Variants in NARF observed in about 807,000 individuals in gnomAD.
NARF encodes nuclear prelamin A recognition factor.
In NARF, 41 loss-of-function variants were observed where a neutral mutation model predicts 48.0. That is an observed-to-expected ratio of 0.85 (90% confidence interval 0.66 to 1.11). The LOEUF (loss-of-function observed/expected upper bound fraction) is 1.11, where lower values mean the gene tolerates loss of function less well. NARF is among the 50% of genes least tolerant of loss of function. The pLI is 0.00. For synonymous variants in NARF, 215 were observed against 225.5 expected (o/e 0.95, Z 0.42); for missense variants, 613 against 590.2 (o/e 1.04, Z -0.40).
At chr17:82,466,993 T>G (rs1436010467) in intron 3 of NARF, among the ~76,000 whole-genome samples, 3 of 140,492 alleles carry the variant, frequency 2.1e-5, no homozygotes, top group South Asian at 2.3e-4. Context: ...GTACCTGGCC[T>G]TCTTTTTTTT....
At position 82,481,081 on chromosome 17, in the gene NARF, G is replaced by C. The variant is rs1466687390; in HGVS notation, c.640-1G>C. On this transcript the variant is annotated splice_acceptor_variant, in intron 6 of 10. Transcript: ENST00000309794. LOFTEE classifies it high-confidence loss of function. ...TAAATATGGGTGCCCCTCTCCCACA[G>C]AACCTGTCTCCAGAGAAGATTTTCC... 6.2e-7 allele frequency: 1 copy of C among 1,613,962 alleles called. No homozygotes were observed.
intron 8 of NARF, chr17:82,484,556 C>T (rs766702978): frequency 2.8e-6 from 1 of 361,056 alleles, no homozygotes; most frequent in African/African-American, 2.1e-5. Flanking sequence ...CCATAAGCAT[C>T]TGGAGCACCT....
At chr17:82,459,658 T>A (rs1599810204) in intron 1 of NARF, among the ~76,000 whole-genome samples, 1 of 151,968 alleles carries the variant, frequency 6.6e-6, no homozygotes, top group African/African-American at 2.4e-5. Context: ...TCACCTGAGG[T>A]CAGCAGTTCA....
rs377338939 is a variant in NARF, at chr17:82,468,779, A to G, written c.268A>G (p.Lys90Glu). Residue 90 changes from lysine (K) to glutamate (E), a missense_variant, in exon 4 of 11, where the codon AAG (lysine) becomes GAG (glutamate). Coordinates refer to ENST00000309794, the MANE Select transcript of NARF (RefSeq NM_012336.4). ...CTCCTTCTAGAAATGTGATACCTCA[A>G]AGCACAAAGTGCTGGTAGTGTCTGT... Reference protein sequence around the residue: ...LNLNKKCDTSKHKVLVVSVCP... With the variant: ...LNLNKKCDTSEHKVLVVSVCP... The G allele has an allele frequency of 1.9e-5, 31 of 1,613,654 alleles. No individual in the cohort carries two copies. Among genetic ancestry groups the G allele is most frequent in the Non-Finnish European group, 2.6e-5 (31 of 1,179,904 alleles).
At chr17:82,485,420 C>G in intron 9 of NARF, 77 bp from the exon 10 acceptor site, 1 of 1,298,518 alleles carries the variant, frequency 7.7e-7, no homozygotes, top group Non-Finnish European at 1.1e-6. Flanking sequence ...GACTCCGTCT[C>G]AAAAAAAAAA....
In NARF at chr17:82,481,066, T is replaced by C. The variant is rs763688938; in HGVS notation, c.640-16T>C. 6.2e-7 allele frequency: 1 copy of C among 1,613,636 alleles called. No individual in the cohort carries two copies. Among genetic ancestry groups the C allele is most frequent in the South Asian group, 1.1e-5 (1 of 91,072 alleles). ...CCTCTTCACCAGCCCTAAATATGGGTGCCCCTCTCCCACAGAACCTGTCTC... is the reference window on the plus strand; with the variant it reads ...CCTCTTCACCAGCCCTAAATATGGGCGCCCCTCTCCCACAGAACCTGTCTC... On this transcript the variant is annotated splice_polypyrimidine_tract_variant and intron_variant, in intron 6 of 10. Coordinates refer to ENST00000309794, the MANE Select transcript of NARF (RefSeq NM_012336.4).
At chr17:82,487,309 C>T (rs1017467619) in intron 10 of NARF, among the ~76,000 whole-genome samples, 3 of 151,922 alleles carry the variant, frequency 2.0e-5, no homozygotes, top group African/African-American at 2.4e-5. Flanking sequence ...CATGGTAAAA[C>T]CCTGTCTCTA....
intron 3 of NARF, chr17:82,468,461 C>G (rs941743053): frequency 1.8e-5 from 6 of 336,976 alleles, no homozygotes; most frequent in Non-Finnish European, 3.3e-5. Context: ...CTCCTGGCCT[C>G]AAGTGATCCT....
At chr17:82,484,527 T>G (rs1484556011) in intron 8 of NARF, 5 of 277,340 alleles carry the variant, frequency 1.8e-5, no homozygotes, top group Non-Finnish European at 1.4e-5. Context: ...AACAAGACCC[T>G]GTCTCCAAAA....
Position 82,471,839 on chromosome 17 carries a change from C to T in NARF, c.386-725C>T, listed in dbSNP as rs56815972. Among the ~76,000 whole-genome samples the T allele has an allele frequency of 3.0e-3, 441 of 148,776 alleles. 4 individuals are homozygous for T. The highest frequency in any genetic ancestry group is 0.011 in the African/African-American group (425 of 40,062). On this transcript the variant is annotated intron_variant, in intron 4 of 10. Transcript: ENST00000309794. ...CCAGCCATTCTATACTTTTACTGTA[C>T]GTTCTACTTTTAAACACATCAAGAA...
In NARF at chr17:82,458,782, C is replaced by T. The variant is rs781214188; in HGVS notation, c.-22C>T. On this transcript the variant is annotated 5_prime_UTR_variant, in exon 1 of 11. Transcript: ENST00000309794. ...GCTTCCCTGAGGCTGAGGCGCCCGG[C>T]CTCCCGCCCGCCGCGCTCCAGATGA... 2 of 1,457,982 alleles carry T rather than the reference C, an allele frequency of 1.4e-6. No homozygotes were observed. Among genetic ancestry groups the T allele is most frequent in the Non-Finnish European group, 9.0e-7 (1 of 1,111,550 alleles). The allele number at this position is 1,457,982 out of a possible 1,614,324, so 90.3% of individuals were successfully genotyped here. A position where few individuals can be genotyped will look rare whatever the true frequency, so the allele number is the denominator to read the frequency against.
intron 5 of NARF, among the ~76,000 whole-genome samples, chr17:82,475,631 A>G (rs1163317822): frequency 6.6e-6 from 1 of 152,126 alleles, no homozygotes; most frequent in Admixed American, 6.6e-5. Flanking sequence ...GCAAATCTCA[A>G]GCTAAAATAG....
chr17:82,488,468 C>T lies in NARF; in HGVS notation c.*311C>T, dbSNP rs56204375. 1,659 of 261,910 alleles carry T rather than the reference C, an allele frequency of 6.3e-3. 12 individuals carry two copies. Among genetic ancestry groups the T allele is most frequent in the Non-Finnish European group, 8.9e-3 (1,200 of 135,316 alleles). The allele number at this position is 261,910 out of a possible 1,614,324, so 16.2% of individuals were successfully genotyped here. On this transcript the variant is annotated 3_prime_UTR_variant, in exon 11 of 11. Transcript: ENST00000309794. ...TCAGCTCACTGCAACCTCTGCCTCC[C>T]GGGTTCAAGCGATTCTCTTGCCCCA... is the stretch of plus-strand genomic sequence containing the variant.
At chr17:82,459,252 G>T (rs1419990277) in intron 1 of NARF, 3 of 936,648 alleles carry the variant, frequency 3.2e-6, no homozygotes, top group Non-Finnish European at 3.8e-6. Context: ...CTGCTGACCG[G>T]CGCCTTCCGC....
rs1599848874 is a variant in NARF at position 82,481,093 on chromosome 17, A to G, written c.651A>G (p.Pro217=). 6.2e-7 allele frequency: 1 copy of G among 1,614,142 alleles called. No individual in the cohort carries two copies. The highest frequency in any genetic ancestry group is 2.2e-5 in the East Asian group (1 of 44,878). ...DYFARQQNLS[P]EKIFHVIVAP... The stretch of plus-strand genomic sequence containing the variant: ...CCCCTCTCCCACAGAACCTGTCTCC[A>G]GAGAAGATTTTCCACGTCATTGTGG... The change falls in exon 7 of 11, where the codon CCA becomes CCG. Residue 217 remains proline (P), a synonymous_variant. Coordinates refer to ENST00000309794, the MANE Select transcript of NARF (RefSeq NM_012336.4).
intron 1 of NARF, 95 bp downstream of exon 1, chr17:82,458,925 C>T (rs1599808061): frequency 1.6e-6 from 2 of 1,245,506 alleles, no homozygotes; most frequent in East Asian, 3.1e-5. Flanking sequence ...CGCTCGCTCG[C>T]TTCAGGGCTC....
intron 5 of NARF, among the ~76,000 whole-genome samples, chr17:82,478,218 G>A (rs1301510884): frequency 1.3e-5 from 2 of 152,204 alleles, no homozygotes; most frequent in African/African-American, 4.8e-5. Flanking sequence ...TGTTCACCCT[G>A]GAAACCACAG....
At chr17:82,479,475 C>T (rs924401238) in intron 6 of NARF, among the ~76,000 whole-genome samples, 6 of 152,236 alleles carry the variant, frequency 3.9e-5, no homozygotes, top group South Asian at 2.1e-4. Context: ...CCCCCTGCCT[C>T]GGCCCGTCGT....
At chr17:82,466,172 G>A (rs1041246825) in intron 3 of NARF, among the ~76,000 whole-genome samples, 2 of 152,118 alleles carry the variant, frequency 1.3e-5, no homozygotes, top group African/African-American at 4.8e-5. Context: ...TGGTGTCAAC[G>A]GTTTTTGCAA....
Sources: allele counts gnomAD v4.1 joint callset (sites outside exome capture counted in the v4.1 genomes callset), GRCh38; gene constraint gnomAD v4.1.1; transcripts MANE v1.5; gene names NCBI Gene and HGNC (gene_info 2026-07-23, HGNC 2026-07-21).